The following PCDHA10 variants were observed in gnomAD, a reference collection of about 807,000 sequenced individuals.
The protein encoded by PCDHA10 is protocadherin alpha 10.
In PCDHA10, 45 loss-of-function variants were observed where a neutral mutation model predicts 61.2. The observed-to-expected ratio is 0.74, with a 90% CI of 0.58 to 0.94. The LOEUF is 0.94. Ranked by LOEUF, PCDHA10 falls within the 40% of genes least tolerant of loss-of-function variation. PCDHA10 has a pLI of 0.00. For synonymous variants in PCDHA10, 602 were observed against 548.8 expected (o/e 1.10, Z -1.35); for missense variants, 1,278 against 1,236.2 (o/e 1.03, Z -0.51).
chr5:141,010,697 C>T lies in PCDHA10; in HGVS notation c.*760C>T, dbSNP rs1163164861. The T allele has an allele frequency of 6.3e-6, 1 of 158,698 alleles. No homozygotes were observed. 9.8% of individuals were successfully genotyped at this position (158,698 alleles called of 1,614,324 possible). A position where few individuals can be genotyped will look rare whatever the true frequency, so the allele number is the denominator to read the frequency against. On this transcript the variant is annotated 3_prime_UTR_variant, in exon 4 of 4. Coordinates refer to ENST00000307360, the MANE Select transcript of PCDHA10 (RefSeq NM_018901.4). ...AACAGAAGCAGATCTGATGTGTTTCCTATACATGTCCTGTGCTCACTTTAT... is the reference window on the plus strand; with the variant it reads ...AACAGAAGCAGATCTGATGTGTTTCTTATACATGTCCTGTGCTCACTTTAT...
chr5:140,889,561 C>A (rs1170749193), intron 1 of PCDHA10, among the ~76,000 whole-genome samples: 1 of 151,898 alleles, frequency 6.6e-6, no homozygotes, highest in African/African-American at 2.4e-5. Flanking sequence ...CTTCAGAATT[C>A]TGCTTTCTGA....
Position 140,884,327 on chromosome 5 carries a change from G to T in PCDHA10, c.2388+25891G>T, listed in dbSNP as rs1400364790. The T allele has an allele frequency of 5.6e-6, 9 of 1,613,894 alleles. No individual in the cohort carries two copies. In the African/African-American group the frequency reaches 9.3e-5, roughly 17 times the overall value. Reference sequence around the variant, plus strand: ...TTCGTCGAGGGCGTCGGCAGGCGCTGTGGGTCCAGAAGCGGCGCTGGTGGA... The same window carrying T: ...TTCGTCGAGGGCGTCGGCAGGCGCTTTGGGTCCAGAAGCGGCGCTGGTGGA... On this transcript the variant is annotated intron_variant, in intron 1 of 3. Coordinates refer to ENST00000307360, the MANE Select transcript of PCDHA10 (RefSeq NM_018901.4).
chr5:140,872,209 T>C (rs900203010), intron 1 of PCDHA10, among the ~76,000 whole-genome samples: 4 of 152,214 alleles, frequency 2.6e-5, no homozygotes, highest in South Asian at 2.1e-4. Context: ...AAATTCATTA[T>C]ATATGAAACA....
chr5:140,899,606 A>G (rs1330407383), intron 1 of PCDHA10, among the ~76,000 whole-genome samples: 1 of 152,168 alleles, frequency 6.6e-6, no homozygotes, highest in Non-Finnish European at 1.5e-5. Flanking sequence ...GGACTTTTGC[A>G]TCAATGTTCA....
intron 1 of PCDHA10, among the ~76,000 whole-genome samples, chr5:140,922,038 T>A (rs1048446579): frequency 6.6e-6 from 1 of 152,088 alleles, no homozygotes. Context: ...AATGTAATTT[T>A]CCCACATACC....
At chr5:140,909,942 T>G (rs577556804) in intron 1 of PCDHA10, among the ~76,000 whole-genome samples, 1 of 152,304 alleles carries the variant, frequency 6.6e-6, no homozygotes, top group Non-Finnish European at 1.5e-5. Flanking sequence ...GTTACTCTGG[T>G]AAAAAGCCGT....
intron 3 of PCDHA10, among the ~76,000 whole-genome samples, chr5:140,985,532 G>C (rs1358120172): frequency 6.6e-6 from 1 of 152,072 alleles, no homozygotes; most frequent in African/African-American, 2.4e-5. Flanking sequence ...AAAGCTTCAC[G>C]GTGAAGATGC....
At chr5:140,970,332 G>A (rs1236073527) in intron 1 of PCDHA10, among the ~76,000 whole-genome samples, 12 of 152,138 alleles carry the variant, frequency 7.9e-5, no homozygotes, top group Admixed American at 2.6e-4. Flanking sequence ...TCCAAAGCAT[G>A]CATTCATTTT....
intron 3 of PCDHA10, among the ~76,000 whole-genome samples, chr5:140,982,785 G>A (rs1037904724): frequency 2.0e-5 from 3 of 151,236 alleles, no homozygotes; most frequent in African/African-American, 4.9e-5. Flanking sequence ...GTGTGTGCAC[G>A]CATGTGTGCA....
chr5:140,932,101 T>G (rs1281828369), intron 1 of PCDHA10, among the ~76,000 whole-genome samples: 6 of 151,958 alleles, frequency 3.9e-5, no homozygotes, highest in Non-Finnish European at 8.8e-5. Context: ...TTTTTATCTC[T>G]GTATTTCCAA....
intron 1 of PCDHA10, chr5:140,866,014 C>A (rs187025106): frequency 1.3e-5 from 2 of 152,026 alleles, no homozygotes; most frequent in East Asian, 3.9e-4. Flanking sequence ...TGATTTTTTT[C>A]TTGTAAGAGT....
chr5:140,902,798 T>C (rs1554190660), intron 1 of PCDHA10, among the ~76,000 whole-genome samples: 1 of 152,156 alleles, frequency 6.6e-6, no homozygotes, highest in Admixed American at 6.5e-5. Context: ...CACTTGTATG[T>C]GAGAATATAC....
intron 1 of PCDHA10, among the ~76,000 whole-genome samples, chr5:140,931,278 T>G (rs1488323710): frequency 1.3e-5 from 2 of 152,174 alleles, no homozygotes; most frequent in Non-Finnish European, 2.9e-5. Context: ...TCTTTTATTT[T>G]CATTGCTTTC....
intron 1 of PCDHA10, among the ~76,000 whole-genome samples, chr5:140,926,182 C>T (rs1041630365): frequency 2.6e-5 from 4 of 151,858 alleles, no homozygotes; most frequent in South Asian, 2.2e-4. Flanking sequence ...CGGAAAGCCC[C>T]CCGCAGCACT....
At chr5:140,944,596 G>A (rs2093672992) in intron 1 of PCDHA10, among the ~76,000 whole-genome samples, 1 of 152,138 alleles carries the variant, frequency 6.6e-6, no homozygotes, top group Admixed American at 6.5e-5. Context: ...ATTTCCCTGG[G>A]TAGAGTAGTG....
At chr5:140,964,173 C>A (rs1052958313) in intron 1 of PCDHA10, among the ~76,000 whole-genome samples, 5 of 152,174 alleles carry the variant, frequency 3.3e-5, no homozygotes, top group Non-Finnish European at 7.4e-5. Context: ...GGAACGAAAT[C>A]ATTATAGTGC....
intron 1 of PCDHA10, among the ~76,000 whole-genome samples, chr5:140,919,580 A>G (rs1454243319): frequency 1.3e-5 from 2 of 152,194 alleles, no homozygotes; most frequent in African/African-American, 4.8e-5. Context: ...TTAGAATGTA[A>G]CATGGTAATT....
chr5:140,870,421 G>A (rs782065685), intron 1 of PCDHA10: 1 of 1,614,216 alleles, frequency 6.2e-7, no homozygotes, highest in Non-Finnish European at 8.5e-7. Flanking sequence ...CACGGCCAGG[G>A]TATCCGTGGA....
At chr5:140,996,926 T>C (rs569386997) in intron 3 of PCDHA10, among the ~76,000 whole-genome samples, 4 of 152,320 alleles carry the variant, frequency 2.6e-5, no homozygotes, top group Middle Eastern at 3.4e-3. Flanking sequence ...TTAAAAAATA[T>C]AGCATTTTTG....
Sources: allele counts gnomAD v4.1 joint callset (sites outside exome capture counted in the v4.1 genomes callset), GRCh38; gene constraint gnomAD v4.1.1; transcripts MANE v1.5; gene names NCBI Gene and HGNC (gene_info 2026-07-23, HGNC 2026-07-21).